The following VPS35L variants were observed in gnomAD, a reference collection of about 807,000 sequenced individuals.
VPS35L encodes the protein VPS35 endosomal protein-sorting factor-like.
In VPS35L, 83 loss-of-function variants were observed where a neutral mutation model predicts 133.0. The ratio of observed to expected loss-of-function variants is 0.62; its 90% CI spans 0.52 to 0.75. The LOEUF (loss-of-function observed/expected upper bound fraction) is 0.75. VPS35L is among the 30% of genes least tolerant of loss of function. The pLI, the probability that VPS35L is intolerant of heterozygous loss-of-function variation, is 0.00. For missense variants in VPS35L, 1,083 were observed against 1,206.8 expected (o/e 0.90, Z 1.52); for synonymous variants, 423 against 449.9 (o/e 0.94, Z 0.76).
intron 21 of VPS35L, among the ~76,000 whole-genome samples, chr16:19,641,990 AC>A (rs1973802882): frequency 2.0e-5 from 3 of 152,204 alleles, no homozygotes. Context: ...CAGGTGGATC[AC>A]CTGAGGCCAG....
chr16:19,607,894 C>A, intron 9 of VPS35L: 1 of 326,386 alleles, frequency 3.1e-6, no homozygotes, highest in Non-Finnish European at 5.7e-6. Context: ...GCCTTGGTCT[C>A]TGCATCTGTA....
intron 8 of VPS35L, among the ~76,000 whole-genome samples, chr16:19,597,246 C>T (rs1972245697): frequency 6.6e-6 from 1 of 151,866 alleles, no homozygotes; most frequent in East Asian, 1.9e-4. Flanking sequence ...TGGTACAAGC[C>T]TATAGTCCCA....
chr16:19,655,957 T>A (rs1378401258), intron 26 of VPS35L, among the ~76,000 whole-genome samples: 2 of 152,036 alleles, frequency 1.3e-5, no homozygotes, highest in African/African-American at 4.8e-5. Context: ...CAGTTTATAA[T>A]CTAGAAAAGG....
intron 5 of VPS35L, among the ~76,000 whole-genome samples, chr16:19,575,932 G>T (rs1971519287): frequency 6.9e-6 from 1 of 145,608 alleles, no homozygotes; most frequent in African/African-American, 2.6e-5. Context: ...AAGGCGGGCA[G>T]ATCACTTGAG....
chr16:19,621,103 A>T (rs1973064901), intron 14 of VPS35L, among the ~76,000 whole-genome samples: 1 of 152,236 alleles, frequency 6.6e-6, no homozygotes, highest in Admixed American at 6.5e-5. Context: ...GATTTGTGTA[A>T]TAACATGGAG....
chr16:19,661,966 T>C (rs1974498756), intron 26 of VPS35L, among the ~76,000 whole-genome samples: 1 of 152,082 alleles, frequency 6.6e-6, no homozygotes, highest in African/African-American at 2.4e-5. Flanking sequence ...CTTTGTATGT[T>C]CAAGAAAAAT....
At chr16:19,586,881 A>G (rs777395730) in intron 7 of VPS35L, among the ~76,000 whole-genome samples, 1 of 152,188 alleles carries the variant, frequency 6.6e-6, no homozygotes, top group Admixed American at 6.5e-5. Flanking sequence ...TGTCTCAGCA[A>G]CGTTTGTTGA....
intron 12 of VPS35L, among the ~76,000 whole-genome samples, chr16:19,613,387 G>A (rs750710054): frequency 6.6e-6 from 1 of 152,178 alleles, no homozygotes; most frequent in Non-Finnish European, 1.5e-5. Flanking sequence ...ACTACTTTAA[G>A]CAAAAGTAAG....
intron 26 of VPS35L, among the ~76,000 whole-genome samples, chr16:19,664,613 T>C (rs1486778694): frequency 6.7e-6 from 1 of 150,276 alleles, no homozygotes; most frequent in Non-Finnish European, 1.5e-5. Flanking sequence ...GAAACATGGA[T>C]GTCCCAGCAG....
chr16:19,694,999 C>G (rs1975852819), intron 29 of VPS35L, among the ~76,000 whole-genome samples: 1 of 145,686 alleles, frequency 6.9e-6, no homozygotes, highest in Non-Finnish European at 1.5e-5. Flanking sequence ...GAACGAGACT[C>G]TGTTTCAGAA....
chr16:19,699,263 C>T lies in VPS35L; in HGVS notation c.2647-239C>T. On this transcript the variant is annotated intron_variant, in intron 29 of 30. Transcript: ENST00000417362. The surrounding 1 kb of genome is among the most constrained non-coding windows in gnomAD (Gnocchi z 4.2). ...TTCATGAGTAATGACCATCTGTGGG[C>T]ACAGAGCTTCGTCATCTTACTGAAT... 2.2e-6 allele frequency: 1 copy of T among 459,592 alleles called. No individual in the cohort carries two copies. Among genetic ancestry groups the T allele is most frequent in the East Asian group, 4.0e-5 (1 of 25,168 alleles). 28.5% of individuals were successfully genotyped at this position (459,592 alleles called of 1,614,324 possible).
intron 14 of VPS35L, among the ~76,000 whole-genome samples, chr16:19,624,540 G>A (rs760966456): frequency 3.9e-4 from 60 of 152,044 alleles, no homozygotes; most frequent in Non-Finnish European, 2.8e-4. Flanking sequence ...AGCCGAGATC[G>A]CGTCACTGCA....
Position 19,608,279 on chromosome 16 carries a change from CCT to C in VPS35L, c.881+6_881+7del. On this transcript the variant is annotated splice_donor_region_variant and intron_variant, in intron 10 of 30. Transcript: ENST00000417362. ...CAGGGAACTCATTCCAAGATTGTAT[CCT>C]TTTTTTTTTTTTTGGTCTGATGATT... 6.7e-7 allele frequency: 1 copy of C among 1,495,622 alleles called. No homozygotes were observed. Among genetic ancestry groups the C allele is most frequent in the Non-Finnish European group, 9.1e-7 (1 of 1,104,582 alleles). The allele number at this position is 1,495,622 out of a possible 1,614,324, so 92.6% of individuals were successfully genotyped here. A position where few individuals can be genotyped will look rare whatever the true frequency, so the allele number is the denominator to read the frequency against.
intron 9 of VPS35L, 24 bp downstream of exon 9, chr16:19,601,747 G>C: frequency 6.2e-7 from 1 of 1,611,996 alleles, no homozygotes; most frequent in Non-Finnish European, 8.5e-7. Flanking sequence ...TGTTCCTGGG[G>C]TGTCATTCTG....
intron 14 of VPS35L, among the ~76,000 whole-genome samples, chr16:19,625,426 G>A (rs923240432): frequency 7.9e-5 from 12 of 152,146 alleles, no homozygotes; most frequent in African/African-American, 2.9e-4. Flanking sequence ...GGAAGAATGT[G>A]GGGTTACAGA....
chr16:19,695,698 C>T (rs538896220), intron 29 of VPS35L, among the ~76,000 whole-genome samples: 2 of 152,090 alleles, frequency 1.3e-5, no homozygotes, highest in Admixed American at 1.3e-4. Context: ...CCCTGAGTAG[C>T]TGGGACTACT....
chr16:19,690,433 G>C (rs1975628699), intron 28 of VPS35L, among the ~76,000 whole-genome samples: 1 of 152,230 alleles, frequency 6.6e-6, no homozygotes, highest in Non-Finnish European at 1.5e-5. Flanking sequence ...CCAGCAAACA[G>C]TGGAGGAGCT....
intron 9 of VPS35L, among the ~76,000 whole-genome samples, chr16:19,603,229 G>T (rs1438646133): frequency 6.6e-6 from 1 of 152,082 alleles, no homozygotes; most frequent in Admixed American, 6.6e-5. Context: ...GAAGAGTCTT[G>T]CCCAGGGCCC....
chr16:19,564,753 T>G, intron 1 of VPS35L, 98 bp from the exon 2 acceptor site: 1 of 797,324 alleles, frequency 1.3e-6, no homozygotes, highest in East Asian at 2.6e-5. Flanking sequence ...AATATTGTGC[T>G]GTTCTAAACT....
Sources: gnomAD v4.1 joint callset for allele counts (sites outside exome capture counted in the v4.1 genomes callset) on GRCh38, gnomAD v4.1.1 for gene constraint, Gnocchi (gnomAD v3.1) non-coding constraint, MANE v1.5 for transcripts, NCBI Gene and HGNC (gene_info 2026-07-23, HGNC 2026-07-21) for gene names.